The following EMCN variants were observed in gnomAD, a reference collection of about 807,000 sequenced individuals.
EMCN encodes the protein MUC-14.
EMCN carries 37 observed loss-of-function variants against 38.4 expected under a neutral mutation model. That is an observed-to-expected ratio of 0.96 (90% confidence interval 0.74 to 1.27). EMCN has a LOEUF of 1.27. Among genes scored for constraint, EMCN ranks in the 50% most tolerant of loss-of-function variants. EMCN has a pLI of 0.00. For missense variants in EMCN, 318 were observed against 302.8 expected, an observed-to-expected ratio of 1.05 and a Z score of -0.37; for synonymous variants, 95 against 100.8, an observed-to-expected ratio of 0.94 and a Z score of 0.35.
At chr4:100,462,418 C>A (rs1728205405) in intron 4 of EMCN, among the ~76,000 whole-genome samples, 1 of 152,040 alleles carries the variant, frequency 6.6e-6, no homozygotes, top group South Asian at 2.1e-4. Context: ...ATGGGCTGAC[C>A]ACATACTTCT....
intron 4 of EMCN, among the ~76,000 whole-genome samples, chr4:100,453,051 G>T (rs961352657): frequency 2.0e-5 from 3 of 152,118 alleles, no homozygotes; most frequent in Non-Finnish European, 4.4e-5. Context: ...AGACTTACAT[G>T]TTAGACCTAA....
intron 5 of EMCN, among the ~76,000 whole-genome samples, chr4:100,437,858 T>G (rs1047220301): frequency 2.6e-5 from 4 of 152,124 alleles, no homozygotes; most frequent in Non-Finnish European, 1.5e-5. Context: ...TTTTTTTATT[T>G]TCAGAATTGT....
intron 1 of EMCN, among the ~76,000 whole-genome samples, chr4:100,494,191 T>C (rs950028651): frequency 1.3e-5 from 2 of 152,154 alleles, no homozygotes; most frequent in African/African-American, 4.8e-5. Flanking sequence ...TTTTATATGG[T>C]ATAGTTTCCA....
chr4:100,480,338 G>T (rs11939542), intron 1 of EMCN, among the ~76,000 whole-genome samples: 66,421 of 151,602 alleles, frequency 0.44, 15,843 homozygotes, highest in East Asian at 0.73. Context: ...TTAATCCAAC[G>T]AAACTAACCT....
chr4:100,473,328 T>C lies in EMCN; in HGVS notation c.259+1710A>G, dbSNP rs527251330. ...AGGTGTGAGCCACTGCACCCGTCCA[T>C]GTTATATATAATTCTAATGGGCATT... On this transcript the variant is annotated intron_variant, in intron 3 of 11. Transcript: ENST00000296420. Among the ~76,000 whole-genome samples, 203 of 148,276 alleles carry C rather than the reference T, an allele frequency of 1.4e-3. 1 individual carries two copies. Among genetic ancestry groups the C allele is most frequent in the African/African-American group, 4.6e-3 (188 of 41,028 alleles).
At chr4:100,514,052 A>G (rs192415098) in intron 1 of EMCN, among the ~76,000 whole-genome samples, 45 of 152,218 alleles carry the variant, frequency 3.0e-4, no homozygotes, top group African/African-American at 1.1e-3. Flanking sequence ...TTAATGTTAC[A>G]ATGGGCAAGA....
chr4:100,417,635 T>C (rs375219217), intron 8 of EMCN, among the ~76,000 whole-genome samples: 18 of 152,214 alleles, frequency 1.2e-4, no homozygotes, highest in East Asian at 1.2e-3. Context: ...AACCCACTGA[T>C]TCAGCCTCTC....
chr4:100,512,995 G>T (rs1729667665), intron 1 of EMCN, among the ~76,000 whole-genome samples: 1 of 152,086 alleles, frequency 6.6e-6, no homozygotes, highest in South Asian at 2.1e-4. Flanking sequence ...CTTCACCAAT[G>T]AAAAGGAAAG....
At chr4:100,514,689 G>A (rs1349912932) in intron 1 of EMCN, among the ~76,000 whole-genome samples, 1 of 151,832 alleles carries the variant, frequency 6.6e-6, no homozygotes, top group Non-Finnish European at 1.5e-5. Flanking sequence ...ACCTCTTTAT[G>A]TTTCTAGACT....
chr4:100,449,164 A>G (rs1340125434), intron 4 of EMCN, among the ~76,000 whole-genome samples: 1 of 152,104 alleles, frequency 6.6e-6, no homozygotes, highest in African/African-American at 2.4e-5. Context: ...TAAAAAACTA[A>G]TTCTACCTAC....
At chr4:100,449,627 C>A (rs943407867) in intron 4 of EMCN, among the ~76,000 whole-genome samples, 3 of 152,042 alleles carry the variant, frequency 2.0e-5, no homozygotes, top group Admixed American at 6.6e-5. Context: ...CAGGTCATAA[C>A]CTTTCTTGGT....
chr4:100,429,826 G>A (rs1727148788), intron 5 of EMCN, among the ~76,000 whole-genome samples: 1 of 152,042 alleles, frequency 6.6e-6, no homozygotes, highest in African/African-American at 2.4e-5. Context: ...TTTTAATCCT[G>A]TGTTTTAAAG....
At chr4:100,429,090 A>C (rs1727129882) in intron 5 of EMCN, among the ~76,000 whole-genome samples, 1 of 152,170 alleles carries the variant, frequency 6.6e-6, no homozygotes, top group South Asian at 2.1e-4. Flanking sequence ...GAACAAATGC[A>C]AATGGAAGAA....
At chr4:100,452,893 T>C (rs1342851872) in intron 4 of EMCN, among the ~76,000 whole-genome samples, 1 of 152,114 alleles carries the variant, frequency 6.6e-6, no homozygotes, top group Non-Finnish European at 1.5e-5. Context: ...AACTATCTGA[T>C]CTTTGACAAA....
At chr4:100,505,794 T>C (rs1028158699) in intron 1 of EMCN, among the ~76,000 whole-genome samples, 2 of 151,890 alleles carry the variant, frequency 1.3e-5, no homozygotes, top group Non-Finnish European at 2.9e-5. Context: ...AGCAGAAAAA[T>C]AGAGACCTCT....
chr4:100,479,360 C>T (rs1728746667), intron 2 of EMCN, among the ~76,000 whole-genome samples: 1 of 151,888 alleles, frequency 6.6e-6, no homozygotes, highest in Non-Finnish European at 1.5e-5. Flanking sequence ...CATTGATAAT[C>T]TCTTGTTTTT....
At chr4:100,485,280 T>A (rs1728912239) in intron 1 of EMCN, among the ~76,000 whole-genome samples, 2 of 152,126 alleles carry the variant, frequency 1.3e-5, no homozygotes, top group South Asian at 4.1e-4. Flanking sequence ...TCCCAGCAAC[T>A]CAGTGTTTTA....
chr4:100,449,351 A>G (rs900253720), intron 4 of EMCN, among the ~76,000 whole-genome samples: 1 of 152,108 alleles, frequency 6.6e-6, no homozygotes, highest in African/African-American at 2.4e-5. Context: ...TGAGAGTAGT[A>G]AAATTAATTT....
intron 1 of EMCN, among the ~76,000 whole-genome samples, chr4:100,509,804 G>A (rs961648007): frequency 2.0e-5 from 3 of 152,106 alleles, no homozygotes; most frequent in Non-Finnish European, 4.4e-5. Flanking sequence ...TGATACAATG[G>A]CAGTTAAAGG....
Sources: gnomAD v4.1 joint callset for allele counts (sites outside exome capture counted in the v4.1 genomes callset) on GRCh38, gnomAD v4.1.1 for gene constraint, MANE v1.5 for transcripts, NCBI Gene and HGNC (gene_info 2026-07-23, HGNC 2026-07-21) for gene names.